Variants in CEP128 observed in about 807,000 individuals in gnomAD.
CEP128 encodes the protein centrosomal protein 128, also known as centrosomal protein 128kDa.
Under a neutral mutation model 156.7 loss-of-function variants are expected in CEP128, and 132 were observed. The observed-to-expected ratio is 0.84, with a 90% CI of 0.73 to 0.97. The LOEUF (loss-of-function observed/expected upper bound fraction) is 0.97. Among genes scored for constraint, CEP128 ranks in the 50% least tolerant of loss-of-function variants. The pLI, the probability that CEP128 is intolerant of heterozygous loss-of-function variation, is 0.00. For synonymous variants in CEP128, 469 were observed against 448.9 expected (o/e 1.04, Z -0.57); for missense variants, 1,252 against 1,281.9 (o/e 0.98, Z 0.36).
chr14:80,867,035 T>C (rs1185481322), intron 8 of CEP128, among the ~76,000 whole-genome samples: 1 of 152,238 alleles, frequency 6.6e-6, no homozygotes, highest in African/African-American at 2.4e-5. Flanking sequence ...ATATTTTTTT[T>C]CTTTCCTTAC....
intron 19 of CEP128, among the ~76,000 whole-genome samples, chr14:80,686,365 A>G (rs1896524036): frequency 1.3e-5 from 2 of 152,118 alleles, no homozygotes; most frequent in African/African-American, 2.4e-5. Context: ...TCATTTTTAG[A>G]CAAGCAAATG....
chr14:80,672,826 A>G (rs1375442459), intron 19 of CEP128, among the ~76,000 whole-genome samples: 2 of 152,324 alleles, frequency 1.3e-5, no homozygotes, highest in Admixed American at 6.5e-5. Context: ...ATTTACATAA[A>G]AAATAAGCAA....
chr14:80,575,098 A>G (rs1475909848), intron 20 of CEP128, among the ~76,000 whole-genome samples: 1 of 149,082 alleles, frequency 6.7e-6, no homozygotes, highest in Non-Finnish European at 1.5e-5. Flanking sequence ...ATAGATTTAT[A>G]TAATACAATA....
chr14:80,719,017 G>C (rs1240016672), intron 19 of CEP128, among the ~76,000 whole-genome samples: 1 of 152,150 alleles, frequency 6.6e-6, no homozygotes, highest in Non-Finnish European at 1.5e-5. Context: ...ACTCTGTCAG[G>C]ATTTGGTAAA....
At chr14:80,857,911 T>C (rs1479375017) in intron 9 of CEP128, among the ~76,000 whole-genome samples, 1 of 152,100 alleles carries the variant, frequency 6.6e-6, no homozygotes, top group Non-Finnish European at 1.5e-5. Flanking sequence ...CCAAACCAGG[T>C]TGTTTAAAAT....
At chr14:80,742,743 AC>A in intron 19 of CEP128, 1 of 253,552 alleles carries the variant, frequency 3.9e-6, no homozygotes, top group South Asian at 5.3e-5. Context: ...GAAAATGGGC[AC>A]AAAATATGTA....
chr14:80,840,366 C>T (rs1886292162), intron 10 of CEP128, among the ~76,000 whole-genome samples: 1 of 152,122 alleles, frequency 6.6e-6, no homozygotes, highest in Non-Finnish European at 1.5e-5. Flanking sequence ...AATATTCAGT[C>T]TCCAAATGAC....
At chr14:80,723,095 G>A (rs576111458) in intron 19 of CEP128, among the ~76,000 whole-genome samples, 7 of 151,870 alleles carry the variant, frequency 4.6e-5, no homozygotes, top group Non-Finnish European at 1.0e-4. Flanking sequence ...CAAAGTGCTG[G>A]TATTACAGCC....
At chr14:80,554,773 C>G (rs747766356) in intron 21 of CEP128, among the ~76,000 whole-genome samples, 8 of 151,592 alleles carry the variant, frequency 5.3e-5, no homozygotes, top group Non-Finnish European at 1.2e-4. Flanking sequence ...ACTTTGTTAG[C>G]CCTATTGCAT....
At chr14:80,657,069 C>T (rs1041215302) in intron 19 of CEP128, among the ~76,000 whole-genome samples, 1 of 151,782 alleles carries the variant, frequency 6.6e-6, no homozygotes, top group African/African-American at 2.4e-5. Context: ...ACCAGCCTGG[C>T]CAAGATGGTG....
At chr14:80,873,703 T>C (rs28620988) in intron 8 of CEP128, among the ~76,000 whole-genome samples, 3,981 of 152,166 alleles carry the variant, frequency 0.026, 172 homozygotes, top group African/African-American at 0.091. Context: ...CACCCAGATC[T>C]CATCTTGAAT....
intron 19 of CEP128, among the ~76,000 whole-genome samples, chr14:80,602,664 T>G (rs1892627866): frequency 6.6e-6 from 1 of 152,068 alleles, no homozygotes; most frequent in South Asian, 2.1e-4. Context: ...TCCTAGCTAC[T>G]CAGGAGGCTG....
At chr14:80,845,691 G>A (rs1409301953) in intron 9 of CEP128, among the ~76,000 whole-genome samples, 1 of 152,054 alleles carries the variant, frequency 6.6e-6, no homozygotes, top group African/African-American at 2.4e-5. Context: ...ATGCCTTTGG[G>A]TTTAGAAGGG....
intron 2 of CEP128, among the ~76,000 whole-genome samples, chr14:80,936,942 T>C (rs932054319): frequency 1.3e-5 from 2 of 151,902 alleles, no homozygotes; most frequent in Non-Finnish European, 2.9e-5. Context: ...GTATATCTAC[T>C]ATGTACCCAC....
At chr14:80,523,170 A>G (rs141453901) in intron 23 of CEP128, among the ~76,000 whole-genome samples, 63 of 152,368 alleles carry the variant, frequency 4.1e-4, no homozygotes, top group African/African-American at 1.3e-3. Context: ...CAGCAACAAC[A>G]TAAGAGAAGC....
chr14:80,768,279 A>G (rs1008092900), intron 16 of CEP128, among the ~76,000 whole-genome samples: 2 of 152,206 alleles, frequency 1.3e-5, no homozygotes, highest in South Asian at 2.1e-4. Context: ...AGACAAGACG[A>G]TATCACAATA....
At chr14:80,644,309 T>C (rs1894546642) in intron 19 of CEP128, among the ~76,000 whole-genome samples, 1 of 152,206 alleles carries the variant, frequency 6.6e-6, no homozygotes, top group South Asian at 2.1e-4. Flanking sequence ...GATGTTTCTT[T>C]GCTAATTAGG....
At chr14:80,875,052 T>TG (rs1888216409) in intron 8 of CEP128, among the ~76,000 whole-genome samples, 1 of 152,230 alleles carries the variant, frequency 6.6e-6, no homozygotes, top group South Asian at 2.1e-4. Context: ...TATCAGCTCA[T>TG]TTCAGAAAAG....
chr14:80,633,597 G>A (rs1894055999), intron 19 of CEP128, among the ~76,000 whole-genome samples: 2 of 152,114 alleles, frequency 1.3e-5, no homozygotes, highest in African/African-American at 2.4e-5. Flanking sequence ...TTAACAATCA[G>A]TTCATCTGCC....
Sources: gnomAD v4.1 joint callset for allele counts (sites outside exome capture counted in the v4.1 genomes callset) on GRCh38, gnomAD v4.1.1 for gene constraint, MANE v1.5 for transcripts, NCBI Gene and HGNC (gene_info 2026-07-23, HGNC 2026-07-21) for gene names.